Variants in LLGL1 observed in about 807,000 individuals in gnomAD.
LLGL1 encodes lethal(2) giant larvae protein homolog 1.
Under a neutral mutation model 110.6 loss-of-function variants are expected in LLGL1, and 58 were observed. That is an observed-to-expected ratio of 0.52 (90% CI 0.42 to 0.65). The LOEUF (loss-of-function observed/expected upper bound fraction) is 0.65, where lower values mean the gene tolerates loss of function less well. LLGL1 is among the 30% of genes least tolerant of loss of function. The probability of loss-of-function intolerance (pLI) is 0.00; values close to 1 mark genes in which losing one functional copy is unlikely to be tolerated. For missense variants in LLGL1, 1,229 were observed against 1,462.1 expected, an observed-to-expected ratio of 0.84 and a Z score of 2.60; for synonymous variants, 674 against 607.2, an observed-to-expected ratio of 1.11 and a Z score of -1.62.
chr17:18,241,735 G>A lies in LLGL1; in HGVS notation c.2767+20G>A, dbSNP rs760066356. On this transcript the variant is annotated intron_variant, in intron 18 of 22. Transcript: ENST00000316843. Reference sequence around the variant, plus strand: ...GCCAGGGTGAGGCGGGGCAGAGGCCGAGGAGGCCTTCCTCAGGCGAGCGAA... The same window carrying A: ...GCCAGGGTGAGGCGGGGCAGAGGCCAAGGAGGCCTTCCTCAGGCGAGCGAA... The A allele has an allele frequency of 4.5e-5, 72 of 1,610,340 alleles. No homozygotes were observed. Among genetic ancestry groups the A allele is most frequent in the Non-Finnish European group, 4.8e-5 (57 of 1,178,072 alleles).
Position 18,240,690 on chromosome 17 carries a change from G to C in LLGL1, c.2319G>C (p.Ala773=), listed in dbSNP as rs776456605. 1.9e-6 allele frequency: 3 copies of C among 1,613,092 alleles called. No individual in the cohort carries two copies. Among genetic ancestry groups the C allele is most frequent in the Non-Finnish European group, 2.5e-6 (3 of 1,179,836 alleles). The change falls in exon 17 of 23, where the codon GCG becomes GCC. Residue 773 remains alanine, a synonymous_variant. Coordinates refer to ENST00000316843, the MANE Select transcript of LLGL1 (RefSeq NM_004140.4). The surrounding 1 kb of genome is among the most constrained non-coding windows in gnomAD (Gnocchi z 5.3). The part of the protein sequence containing the change: ...AVGGEKRPEQ[A]VEAVLGKEVQ... ...GTGGTGAGAAGCGGCCTGAGCAAGCGGTGGAGGCCGTGCTGGGCAAGGAGG... is the reference window on the plus strand; with the variant it reads ...GTGGTGAGAAGCGGCCTGAGCAAGCCGTGGAGGCCGTGCTGGGCAAGGAGG...
At position 18,237,885 on chromosome 17, in the gene LLGL1, C is replaced by G. The variant is rs2047731572; in HGVS notation, c.1904+112C>G. ...GCAAAGGCCACTAACCTCCATTGCC[C>G]TATAAGAAATAACCTGGCAGCTCCA... On this transcript the variant is annotated intron_variant, in intron 14 of 22. Coordinates refer to ENST00000316843, the MANE Select transcript of LLGL1 (RefSeq NM_004140.4). 6.0e-6 allele frequency: 8 copies of G among 1,337,156 alleles called. No individual in the cohort carries two copies. In the East Asian group the frequency reaches 1.7e-4, roughly 28 times the overall value. 82.8% of individuals were successfully genotyped at this position (1,337,156 alleles called of 1,614,324 possible). A position where few individuals can be genotyped will look rare whatever the true frequency, so the allele number is the denominator to read the frequency against.
At chr17:18,241,269 T>G in intron 17 of LLGL1, 182 bp from the exon 18 acceptor site, 1 of 699,458 alleles carries the variant, frequency 1.4e-6, no homozygotes, top group Non-Finnish European at 2.3e-6. Context: ...GCCTGGGAGG[T>G]TTCTGGAGTA....
At chr17:18,241,062 C>T (rs2047819559) in intron 17 of LLGL1, 189 bp downstream of exon 17, 1 of 647,752 alleles carries the variant, frequency 1.5e-6, no homozygotes, top group Non-Finnish European at 2.6e-6. Flanking sequence ...GATGCCCCCT[C>T]AGCCTGCTGA....
intron 4 of LLGL1, 78 bp from the exon 5 acceptor site, chr17:18,233,700 A>G: frequency 6.8e-7 from 1 of 1,476,182 alleles, no homozygotes; most frequent in Non-Finnish European, 9.2e-7. Context: ...AGTTATCAGC[A>G]GTGGCCCAGC....
In LLGL1 at chr17:18,240,264, A is replaced by T. The variant is rs2047797671; in HGVS notation, c.2207-314A>T. Among the ~76,000 whole-genome samples, 1 of 151,916 alleles carries T rather than the reference A, an allele frequency of 6.6e-6. No homozygotes were observed. The highest frequency in any genetic ancestry group is 1.5e-5 in the Non-Finnish European group (1 of 67,970). ...AGATGGGGGCTGAGGGTGCAGTGGGATGGGGCTGGAGGTCTGGTTTGGGTG... is the reference window on the plus strand; with the variant it reads ...AGATGGGGGCTGAGGGTGCAGTGGGTTGGGGCTGGAGGTCTGGTTTGGGTG... On this transcript the variant is annotated intron_variant, in intron 16 of 22. Transcript: ENST00000316843. The surrounding 1 kb of genome is among the most constrained non-coding windows in gnomAD (Gnocchi z 5.3).
Position 18,237,517 on chromosome 17 carries a change from C to G in LLGL1, c.1648C>G (p.Gln550Glu), listed in dbSNP as rs1416579219. Residue 550 changes from glutamine to glutamate, a missense_variant, in exon 14 of 23, where the codon CAG becomes GAG. Transcript: ENST00000316843. ...GGAGCTTAGTGATGTGCCGGTGGAG[C>G]AGGCGGTCAGCGTGGCCATCATAGA... is the stretch of plus-strand genomic sequence containing the variant. Reference protein sequence around the residue: ...VLELSDVPVEQAVSVAIIDLL... With the variant: ...VLELSDVPVEEAVSVAIIDLL... 1 of 1,597,888 alleles carries G rather than the reference C, an allele frequency of 6.3e-7. No individual in the cohort carries two copies. The highest frequency in any genetic ancestry group is 1.3e-5 in the African/African-American group (1 of 74,624).
rs772703554 is a variant in LLGL1 at position 18,237,725 on chromosome 17, A to G, written c.1856A>G (p.His619Arg). The G allele has an allele frequency of 2.5e-6, 4 of 1,612,860 alleles. No homozygotes were observed. The highest frequency in any genetic ancestry group is 1.1e-5 in the South Asian group (1 of 91,062). The change falls in exon 14 of 23, where the codon CAT (histidine) becomes CGT (arginine). Residue 619 changes from histidine to arginine, a missense_variant. Coordinates refer to ENST00000316843, the MANE Select transcript of LLGL1 (RefSeq NM_004140.4). ...EWSLVAFGTS[H>R]GFGLFDYQRK... Reference sequence around the variant, plus strand: ...AGCCTCGTGGCTTTTGGCACCAGTCATGGCTTTGGCCTCTTCGACTACCAG... The same window carrying G: ...AGCCTCGTGGCTTTTGGCACCAGTCGTGGCTTTGGCCTCTTCGACTACCAG...
Position 18,233,933 on chromosome 17 carries a change from G to T in LLGL1, c.548G>T (p.Arg183Leu). Residue 183 changes from arginine (R) to leucine (L), a missense_variant, in exon 5 of 23, where the codon CGC (arginine) becomes CTC (leucine). By Grantham distance (102) the Arg-to-Leu change is moderately radical (BLOSUM62 -2). Coordinates refer to ENST00000316843, the MANE Select transcript of LLGL1 (RefSeq NM_004140.4). ...ACGCTTGCCCCAGGCGAGGTTCTGC[G>T]CAGGTAAGAGGCCGGTGGGCTTCCC... is the stretch of plus-strand genomic sequence containing the variant. The part of the protein sequence containing the change: ...GQTLAPGEVL[R>L]SVPDDYRCGK... 6.2e-7 allele frequency: 1 copy of T among 1,611,682 alleles called. No homozygotes were observed. Among genetic ancestry groups the T allele is most frequent in the Non-Finnish European group, 8.5e-7 (1 of 1,179,548 alleles).
chr17:18,233,963 C>G lies in LLGL1; in HGVS notation c.551+27C>G, dbSNP rs771506336. 1.9e-6 allele frequency: 3 copies of G among 1,601,212 alleles called. No homozygotes were observed. The African/African-American group carries it at 4.0e-5, about 21-fold the overall frequency. On this transcript the variant is annotated intron_variant, in intron 5 of 22. Coordinates refer to ENST00000316843, the MANE Select transcript of LLGL1 (RefSeq NM_004140.4). The stretch of plus-strand genomic sequence containing the variant: ...TAAGAGGCCGGTGGGCTTCCCAGCA[C>G]CCACTGTGTGCCCGGGAAGTTCTGC...
chr17:18,233,905 C>T lies in LLGL1; in HGVS notation c.520C>T (p.Gln174Ter). The change falls in exon 5 of 23, where the codon CAG (glutamine) becomes TAG (stop). Residue 174 changes from glutamine to a stop codon, truncating the protein, a stop_gained. Coordinates refer to ENST00000316843, the MANE Select transcript of LLGL1 (RefSeq NM_004140.4). LOFTEE classifies it high-confidence loss of function. Reference protein sequence around the residue: ...DVTTLTLLEGQTLAPGEVLRS... With the variant: ...DVTTLTLLEG ...TACCACCCTGACCCTGCTCGAGGGG[C>T]AGACGCTTGCCCCAGGCGAGGTTCT... The T allele has an allele frequency of 6.2e-7, 1 of 1,613,186 alleles. No homozygotes were observed. Among genetic ancestry groups the T allele is most frequent in the Non-Finnish European group, 8.5e-7 (1 of 1,179,974 alleles).
Position 18,229,931 on chromosome 17 carries a change from C to G in LLGL1, c.82-10C>G. On this transcript the variant is annotated splice_polypyrimidine_tract_variant and intron_variant, in intron 1 of 22. Transcript: ENST00000316843. The stretch of plus-strand genomic sequence containing the variant: ...AGTGCTTACCCCCAGCAGCCCTCCC[C>G]TCCTTGCAGACTGTGGAGCATGGCT... 4 of 1,599,876 alleles carry G rather than the reference C, an allele frequency of 2.5e-6. No homozygotes were observed. In the Middle Eastern group the frequency reaches 7.1e-4, roughly 283 times the overall value.
intron 1 of LLGL1, among the ~76,000 whole-genome samples, chr17:18,228,501 C>T (rs1009913952): frequency 3.9e-5 from 6 of 152,120 alleles, no homozygotes; most frequent in Non-Finnish European, 8.8e-5. Flanking sequence ...AGGCACGTGA[C>T]GGTGGGGCCT....
intron 4 of LLGL1, 111 bp downstream of exon 4, chr17:18,232,913 A>C (rs2047600559): frequency 7.1e-7 from 1 of 1,410,372 alleles, no homozygotes; most frequent in Admixed American, 1.8e-5. Context: ...TCAGGGCGGG[A>C]TGCCTTGAGC....
chr17:18,232,879 G>C (rs181495141), intron 4 of LLGL1, 77 bp downstream of exon 4: 2 of 1,586,990 alleles, frequency 1.3e-6, no homozygotes, highest in Non-Finnish European at 1.7e-6. Context: ...GCTGTGCAAA[G>C]GCAGCATGGA....
At chr17:18,226,214 C>T (rs1294542842) in intron 1 of LLGL1, among the ~76,000 whole-genome samples, 1 of 152,098 alleles carries the variant, frequency 6.6e-6, no homozygotes, top group African/African-American at 2.4e-5. Flanking sequence ...CTCTTGCTGC[C>T]TGTGCGTCTC....
At chr17:18,228,698 G>T (rs1054580910) in intron 1 of LLGL1, among the ~76,000 whole-genome samples, 12 of 152,200 alleles carry the variant, frequency 7.9e-5, no homozygotes, top group African/African-American at 2.4e-4. Flanking sequence ...CCTGGTTGTA[G>T]CGAGGGACTG....
In LLGL1 at chr17:18,241,924, C is replaced by T; in HGVS notation, c.2807C>T (p.Ser936Phe). The T allele has an allele frequency of 6.2e-7, 1 of 1,614,130 alleles. No homozygotes were observed. The highest frequency in any genetic ancestry group is 8.5e-7 in the Non-Finnish European group (1 of 1,179,984). ...TCCCCATCAGAATTTGAACGCTTCT[C>T]CCTAAGTGCCCGGAACATCACAGAG... ...LISPSEFERF[S>F]LSARNITEPL... The change falls in exon 19 of 23, where the codon TCC (serine) becomes TTC (phenylalanine). Residue 936 changes from serine to phenylalanine, a missense_variant. By Grantham distance (155) the Ser-to-Phe change is radical. Transcript: ENST00000316843.
chr17:18,236,440 C>T, intron 11 of LLGL1, 167 bp from the exon 12 acceptor site: 1 of 647,310 alleles, frequency 1.5e-6, no homozygotes, highest in Non-Finnish European at 2.7e-6. Context: ...GCACAGTGTA[C>T]CTGTGCTGTC....
Sources: allele counts gnomAD v4.1 joint callset (sites outside exome capture counted in the v4.1 genomes callset), GRCh38; gene constraint gnomAD v4.1.1; non-coding constraint Gnocchi (gnomAD v3.1); transcripts MANE v1.5; gene names NCBI Gene and HGNC (gene_info 2026-07-23, HGNC 2026-07-21).